RNF169: variants seen among roughly 807,000 people sequenced by gnomAD.
The protein encoded by RNF169 is E3 ubiquitin-protein ligase RNF169.
Under a neutral mutation model 53.9 loss-of-function variants are expected in RNF169, and 24 were observed. That is an observed-to-expected ratio of 0.45 (90% confidence interval 0.32 to 0.63). The LOEUF (loss-of-function observed/expected upper bound fraction) is 0.63. RNF169 is among the 20% of genes least tolerant of loss of function. The probability of loss-of-function intolerance (pLI) is 0.04; values close to 1 mark genes in which losing one functional copy is unlikely to be tolerated. For synonymous variants in RNF169, 396 were observed against 363.5 expected (o/e 1.09, Z -1.02); for missense variants, 883 against 906.2 (o/e 0.97, Z 0.33).
At chr11:74,755,086 C>T (rs572516282) in intron 1 of RNF169, among the ~76,000 whole-genome samples, 7 of 152,292 alleles carry the variant, frequency 4.6e-5, no homozygotes, top group Admixed American at 4.6e-4. Flanking sequence ...CAGGAATTCC[C>T]TAGTCTGTAA....
At chr11:74,809,323 T>G (rs1348069503) in intron 2 of RNF169, among the ~76,000 whole-genome samples, 1 of 152,222 alleles carries the variant, frequency 6.6e-6, no homozygotes, top group Admixed American at 6.5e-5. Context: ...GTACTATAGG[T>G]ACACAGCAAG....
chr11:74,777,753 T>C (rs1033310471), intron 1 of RNF169, among the ~76,000 whole-genome samples: 82 of 152,218 alleles, frequency 5.4e-4, no homozygotes, highest in African/African-American at 1.9e-3. Context: ...CTTAGCCTCC[T>C]GAGTAGCTGG....
In RNF169 at chr11:74,839,633, T is replaced by A. The variant is rs2036316499; in HGVS notation, c.*2903T>A. ...TGTATATATGCATTCTGGGTTTTTT[T>A]ATTATTAAAGGGGAAGTTAGGGGGG... On this transcript the variant is annotated 3_prime_UTR_variant, in exon 6 of 6. Coordinates refer to ENST00000299563, the MANE Select transcript of RNF169 (RefSeq NM_001098638.2). The A allele has an allele frequency of 6.6e-6, 1 of 152,152 alleles. No homozygotes were observed. Among genetic ancestry groups the A allele is most frequent in the Non-Finnish European group, 1.5e-5 (1 of 67,998 alleles). The allele number at this position is 152,152 out of a possible 1,614,324, so 9.4% of individuals were successfully genotyped here. A position where few individuals can be genotyped will look rare whatever the true frequency, so the allele number is the denominator to read the frequency against.
chr11:74,793,073 A>G (rs940979543), intron 2 of RNF169, among the ~76,000 whole-genome samples: 7 of 152,234 alleles, frequency 4.6e-5, no homozygotes, highest in Non-Finnish European at 7.3e-5. Context: ...CCACTGATAC[A>G]TGCTACCACA....
At chr11:74,770,149 G>T (rs1463421841) in intron 1 of RNF169, among the ~76,000 whole-genome samples, 2 of 152,184 alleles carry the variant, frequency 1.3e-5, no homozygotes, top group East Asian at 3.8e-4. Flanking sequence ...GCATGAAAAA[G>T]GGAAAGTACA....
chr11:74,817,459 A>G, intron 3 of RNF169, 137 bp from the exon 4 acceptor site: 1 of 633,640 alleles, frequency 1.6e-6, no homozygotes, highest in Non-Finnish European at 2.8e-6. Flanking sequence ...TGAGATTGGT[A>G]TCTCCAGGAG....
chr11:74,775,324 C>T (rs1482146221), intron 1 of RNF169, among the ~76,000 whole-genome samples: 1 of 152,118 alleles, frequency 6.6e-6, no homozygotes, highest in African/African-American at 2.4e-5. Flanking sequence ...GTACTCCCTC[C>T]TCTCTATTTT....
intron 2 of RNF169, among the ~76,000 whole-genome samples, chr11:74,799,394 G>C (rs2035697958): frequency 6.6e-6 from 1 of 152,126 alleles, no homozygotes; most frequent in African/African-American, 2.4e-5. Context: ...TAACTACCCA[G>C]ATGTGGAGAA....
At chr11:74,754,278 G>C (rs1433793286) in intron 1 of RNF169, among the ~76,000 whole-genome samples, 2 of 152,072 alleles carry the variant, frequency 1.3e-5, no homozygotes, top group Non-Finnish European at 2.9e-5. Flanking sequence ...ATACATTGCA[G>C]CCACACTTAA....
rs2036297038 is a variant in RNF169, at chr11:74,838,902, A to G, written c.*2172A>G. 6.6e-6 allele frequency: 1 copy of G among 152,210 alleles called. No individual in the cohort carries two copies. The highest frequency in any genetic ancestry group is 6.5e-5 in the Admixed American group (1 of 15,270). 9.4% of individuals were successfully genotyped at this position (152,210 alleles called of 1,614,324 possible). A position where few individuals can be genotyped will look rare whatever the true frequency, so the allele number is the denominator to read the frequency against. On this transcript the variant is annotated 3_prime_UTR_variant, in exon 6 of 6. Coordinates refer to ENST00000299563, the MANE Select transcript of RNF169 (RefSeq NM_001098638.2). Reference sequence around the variant, plus strand: ...TTATTGGAAGGCTAGTCTTGTTGGTAGGAGCAAAGACACTTATTTTTCCAC... The same window carrying G: ...TTATTGGAAGGCTAGTCTTGTTGGTGGGAGCAAAGACACTTATTTTTCCAC...
chr11:74,826,728 A>G (rs891162962), intron 4 of RNF169, among the ~76,000 whole-genome samples: 1 of 152,262 alleles, frequency 6.6e-6, no homozygotes, highest in African/African-American at 2.4e-5. Flanking sequence ...TGAAGGGGCT[A>G]CAGGCCCCAT....
At chr11:74,796,164 T>C (rs1469800155) in intron 2 of RNF169, among the ~76,000 whole-genome samples, 2 of 152,230 alleles carry the variant, frequency 1.3e-5, no homozygotes, top group South Asian at 4.1e-4. Flanking sequence ...TTTGGGTATT[T>C]GTGATCTTGA....
chr11:74,799,557 T>G (rs569504814), intron 2 of RNF169, among the ~76,000 whole-genome samples: 5 of 152,278 alleles, frequency 3.3e-5, no homozygotes, highest in African/African-American at 1.2e-4. Flanking sequence ...GGATCAGTAG[T>G]TATAAGGTTA....
intron 4 of RNF169, among the ~76,000 whole-genome samples, chr11:74,827,905 C>T (rs1344422346): frequency 2.0e-5 from 3 of 152,146 alleles, no homozygotes; most frequent in Non-Finnish European, 2.9e-5. Flanking sequence ...TGGAAGCATT[C>T]CCCTTGAAAA....
chr11:74,794,818 A>G (rs2035624369), intron 2 of RNF169, among the ~76,000 whole-genome samples: 1 of 152,144 alleles, frequency 6.6e-6, no homozygotes, highest in Admixed American at 6.5e-5. Flanking sequence ...TTGTTTGAAG[A>G]GAGATATTCT....
chr11:74,756,368 T>G (rs524187), intron 1 of RNF169, among the ~76,000 whole-genome samples: 44,667 of 152,160 alleles, frequency 0.29, 7,132 homozygotes, highest in African/African-American at 0.42. Flanking sequence ...TGGGTTCAAA[T>G]TCTAGCTTTG....
chr11:74,770,273 G>A (rs564229), intron 1 of RNF169, among the ~76,000 whole-genome samples: 52,277 of 152,144 alleles, frequency 0.34, 10,992 homozygotes, highest in African/African-American at 0.6. Context: ...GATAGCCATC[G>A]TATTTCTTTT....
At chr11:74,778,703 C>T (rs2035373031) in intron 1 of RNF169, among the ~76,000 whole-genome samples, 1 of 152,206 alleles carries the variant, frequency 6.6e-6, no homozygotes, top group African/African-American at 2.4e-5. Context: ...TATCTAACAA[C>T]CGCCACCTGG....
chr11:74,753,265 A>T (rs962194984), intron 1 of RNF169, among the ~76,000 whole-genome samples: 24 of 152,126 alleles, frequency 1.6e-4, no homozygotes, highest in African/African-American at 5.3e-4. Context: ...CACCGCGCCC[A>T]GCCTTGAACC....
Sources: gnomAD v4.1 joint callset for allele counts (sites outside exome capture counted in the v4.1 genomes callset) on GRCh38, gnomAD v4.1.1 for gene constraint, MANE v1.5 for transcripts, NCBI Gene and HGNC (gene_info 2026-07-23, HGNC 2026-07-21) for gene names.